CUX2: variants seen among roughly 807,000 people sequenced by gnomAD.
CUX2 encodes the protein homeobox protein cut-like 2.
Under a neutral mutation model 144.8 loss-of-function variants are expected in CUX2, and 40 were observed. That is an observed-to-expected ratio of 0.28 (90% CI 0.21 to 0.36). The LOEUF (loss-of-function observed/expected upper bound fraction) is 0.36, where lower values mean the gene tolerates loss of function less well. Among genes scored for constraint, CUX2 ranks in the 10% least tolerant of loss-of-function variants. The probability of loss-of-function intolerance (pLI) is 1.00; values close to 1 mark genes in which losing one functional copy is unlikely to be tolerated. For missense variants in CUX2, 1,615 were observed against 1,994.0 expected, an observed-to-expected ratio of 0.81 and a Z score of 3.62; for synonymous variants, 827 against 875.6, an observed-to-expected ratio of 0.94 and a Z score of 0.98.
intron 18 of CUX2, among the ~76,000 whole-genome samples, chr12:111,323,909 C>T (rs1212019619): frequency 6.6e-6 from 1 of 151,904 alleles, no homozygotes; most frequent in Non-Finnish European, 1.5e-5. Flanking sequence ...AAAAATTAGC[C>T]GGGTATGGTA....
intron 1 of CUX2, among the ~76,000 whole-genome samples, chr12:111,049,265 C>T (rs962565278): frequency 1.3e-5 from 2 of 152,070 alleles, no homozygotes; most frequent in African/African-American, 2.4e-5. Context: ...ACCCATCCAC[C>T]CACCCATTCA....
chr12:111,306,714 C>A (rs764176995), intron 10 of CUX2, among the ~76,000 whole-genome samples: 1 of 152,182 alleles, frequency 6.6e-6, no homozygotes, highest in African/African-American at 2.4e-5. Context: ...TTTAATAAAT[C>A]TTTTAATCAA....
At chr12:111,172,704 T>C (rs564073312) in intron 1 of CUX2, among the ~76,000 whole-genome samples, 1 of 152,322 alleles carries the variant, frequency 6.6e-6, no homozygotes, top group South Asian at 2.1e-4. Flanking sequence ...ATCTGTAGTT[T>C]AAAAGGAGTC....
chr12:111,208,987 G>A lies in CUX2; in HGVS notation c.64-5213G>A, dbSNP rs557828948. Among the ~76,000 whole-genome samples the A allele has an allele frequency of 2.0e-5, 3 of 152,272 alleles. 1 individual carries two copies. The South Asian group carries it at 6.2e-4, about 32-fold the overall frequency. On this transcript the variant is annotated intron_variant, in intron 1 of 21. Coordinates refer to ENST00000261726, the MANE Select transcript of CUX2 (RefSeq NM_015267.4). ...TTATTTAGGTTTAAAAAAAGGGAAGGAGTCATTAGGTAAAAGTCAGGAATA... is the reference window on the plus strand; with the variant it reads ...TTATTTAGGTTTAAAAAAAGGGAAGAAGTCATTAGGTAAAAGTCAGGAATA...
intron 4 of CUX2, among the ~76,000 whole-genome samples, chr12:111,268,906 C>T (rs375886222): frequency 5.3e-5 from 8 of 152,182 alleles, no homozygotes; most frequent in African/African-American, 1.2e-4. Flanking sequence ...CCCCAGGCAG[C>T]GCTCTCCCAC....
At chr12:111,201,577 GCAGTCCTCCC>G (rs1330913392) in intron 1 of CUX2, among the ~76,000 whole-genome samples, 6 of 152,088 alleles carry the variant, frequency 3.9e-5, no homozygotes, top group Non-Finnish European at 7.4e-5. Context: ...TATTTGTGTG[GCAGTCCTCCC>G]CAGTCCTCCC....
intron 3 of CUX2, among the ~76,000 whole-genome samples, chr12:111,257,069 G>A (rs1028718498): frequency 6.6e-6 from 1 of 152,118 alleles, no homozygotes; most frequent in East Asian, 1.9e-4. Context: ...ATCCTCGGGG[G>A]ACTAAACACA....
At chr12:111,321,396 G>A (rs1202731754) in intron 17 of CUX2, among the ~76,000 whole-genome samples, 1 of 152,072 alleles carries the variant, frequency 6.6e-6, no homozygotes, top group Admixed American at 6.6e-5. Context: ...TTGAACCTGG[G>A]AGGCAGGGGT....
chr12:111,339,448 G>C (rs776875493), intron 20 of CUX2: 4 of 152,194 alleles, frequency 2.6e-5, no homozygotes, highest in Admixed American at 6.6e-5. Flanking sequence ...ACCAGGAACC[G>C]TCTCTTGTAG....
At chr12:111,215,634 T>C (rs562247721) in intron 2 of CUX2, among the ~76,000 whole-genome samples, 2 of 152,278 alleles carry the variant, frequency 1.3e-5, no homozygotes, top group African/African-American at 4.8e-5. Context: ...CGAGAACCCT[T>C]CCTTCGCCTT....
At chr12:111,195,838 CTT>C (rs558047845) in intron 1 of CUX2, among the ~76,000 whole-genome samples, 3 of 152,042 alleles carry the variant, frequency 2.0e-5, no homozygotes, top group Admixed American at 2.0e-4. Flanking sequence ...CTCCTCATTT[CTT>C]TTTTTTCCAG....
intron 3 of CUX2, among the ~76,000 whole-genome samples, chr12:111,219,384 CAAA>C (rs751519383): frequency 8.3e-6 from 1 of 120,420 alleles, no homozygotes. Context: ...CTTTGTGTTA[CAAA>C]AAAAAAAAAA....
intron 3 of CUX2, among the ~76,000 whole-genome samples, chr12:111,234,716 C>CT (rs779196975): frequency 0.034 from 4,540 of 132,938 alleles, 227 homozygotes; most frequent in East Asian, 0.19. Context: ...CTTCCCCTTT[C>CT]TTTTTTTTTT....
intron 1 of CUX2, among the ~76,000 whole-genome samples, chr12:111,184,596 A>AAG (rs1879395024): frequency 6.6e-6 from 1 of 150,708 alleles, no homozygotes; most frequent in East Asian, 1.9e-4. Flanking sequence ...AAAAAAAAAA[A>AAG]AAACAGAAAA....
Position 111,295,751 on chromosome 12 carries a change from C to CTAATTAATTAATTAATTAATTAAT in CUX2, c.637+348_637+371dup, listed in dbSNP as rs34368745. Among the ~76,000 whole-genome samples the CTAATTAATTAATTAATTAATTAAT allele has an allele frequency of 6.8e-6, 1 of 147,226 alleles. No homozygotes were observed. Among genetic ancestry groups the CTAATTAATTAATTAATTAATTAAT allele is most frequent in the African/African-American group, 2.5e-5 (1 of 39,696 alleles). ...TGGGCAACATGGCAAGACCCTGTCT[C>CTAATTAATTAATTAATTAATTAAT]TAATTAATTAATTAATTAATTAATT... On this transcript the variant is annotated intron_variant, in intron 7 of 21. Transcript: ENST00000261726. This position sits in a 1 kb window ranked among gnomAD's most constrained non-coding sequence, Gnocchi z 5.0.
At chr12:111,176,868 G>A (rs937869707) in intron 1 of CUX2, among the ~76,000 whole-genome samples, 1 of 152,182 alleles carries the variant, frequency 6.6e-6, no homozygotes, top group African/African-American at 2.4e-5. Context: ...GGTCCTTTGA[G>A]ATCCAGTTTT....
intron 3 of CUX2, among the ~76,000 whole-genome samples, chr12:111,220,530 C>T (rs115270008): frequency 0.01 from 1,529 of 152,022 alleles, 31 homozygotes; most frequent in African/African-American, 0.035. Context: ...CAACTCTGCT[C>T]CTAAACCAGC....
intron 1 of CUX2, among the ~76,000 whole-genome samples, chr12:111,097,241 G>A (rs1165194410): frequency 3.3e-5 from 5 of 152,188 alleles, no homozygotes; most frequent in Non-Finnish European, 5.9e-5. Flanking sequence ...AGACCACCAG[G>A]TGTGGCCTTG....
At chr12:111,071,275 C>T (rs952253684) in intron 1 of CUX2, among the ~76,000 whole-genome samples, 6 of 152,164 alleles carry the variant, frequency 3.9e-5, no homozygotes, top group African/African-American at 1.2e-4. Context: ...CACATCTTTG[C>T]CAGCATTTAG....
Sources: gnomAD v4.1 joint callset for allele counts (sites outside exome capture counted in the v4.1 genomes callset) on GRCh38, gnomAD v4.1.1 for gene constraint, Gnocchi (gnomAD v3.1) non-coding constraint, MANE v1.5 for transcripts, NCBI Gene and HGNC (gene_info 2026-07-23, HGNC 2026-07-21) for gene names.